Variants in SDHAF4 observed in about 807,000 individuals in gnomAD.
SDHAF4 encodes the protein succinate dehydrogenase assembly factor 4, mitochondrial.
Under a neutral mutation model 14.3 loss-of-function variants are expected in SDHAF4, and 14 were observed. That is an observed-to-expected ratio of 0.98 (90% CI 0.65 to 1.53). The LOEUF (loss-of-function observed/expected upper bound fraction) is 1.53, where lower values mean the gene tolerates loss of function less well. Ranked by LOEUF, SDHAF4 falls within the 40% of genes most tolerant of loss-of-function variation. The pLI is 0.00. For missense variants in SDHAF4, 141 were observed against 129.3 expected, an observed-to-expected ratio of 1.09 and a Z score of -0.44; for synonymous variants, 63 against 47.3, an observed-to-expected ratio of 1.33 and a Z score of -1.36.
chr6:70,575,023 T>A, intron 1 of SDHAF4, among the ~76,000 whole-genome samples: 1 of 152,170 alleles, frequency 6.6e-6, no homozygotes, highest in African/African-American at 2.4e-5. Flanking sequence ...TTAGCTTGAG[T>A]TTAAGAGACT....
intron 2 of SDHAF4, among the ~76,000 whole-genome samples, chr6:70,587,387 G>T (rs1004612001): frequency 2.0e-5 from 3 of 152,274 alleles, no homozygotes; most frequent in African/African-American, 7.2e-5. Flanking sequence ...AGCTACTTGG[G>T]AGGCTGAGGC....
At chr6:70,578,207 C>G (rs1251237928) in intron 1 of SDHAF4, among the ~76,000 whole-genome samples, 1 of 152,228 alleles carries the variant, frequency 6.6e-6, no homozygotes, top group Non-Finnish European at 1.5e-5. Context: ...TATACGCATT[C>G]CCTCTTCTCT....
At chr6:70,571,036 TAC>T (rs1274223120) in intron 1 of SDHAF4, among the ~76,000 whole-genome samples, 1 of 152,228 alleles carries the variant, frequency 6.6e-6, no homozygotes, top group Non-Finnish European at 1.5e-5. Flanking sequence ...TGGTATTAGC[TAC>T]AGTTATACCC....
chr6:70,594,784 C>T, the SDHAF4 span, among the ~76,000 whole-genome samples: 28 of 152,100 alleles, frequency 1.8e-4, no homozygotes, highest in African/African-American at 6.3e-4. Flanking sequence ...TGGTGGTGCA[C>T]ACCTGTAATC....
At chr6:70,581,831 A>G (rs1765130476) in intron 2 of SDHAF4, among the ~76,000 whole-genome samples, 1 of 151,834 alleles carries the variant, frequency 6.6e-6, no homozygotes, top group African/African-American at 2.4e-5. Flanking sequence ...GCTGGCCTCA[A>G]CTCCTGGGCT....
At chr6:70,593,681 A>C (rs1765278341), downstream of SDHAF4, among the ~76,000 whole-genome samples, 1 of 141,298 alleles carries the variant, frequency 7.1e-6, no homozygotes, top group Non-Finnish European at 1.6e-5. Context: ...TCCAGCTTCA[A>C]GGGTTTTTTT....
At chr6:70,581,534 A>G (rs554580912) in intron 2 of SDHAF4, among the ~76,000 whole-genome samples, 5 of 152,128 alleles carry the variant, frequency 3.3e-5, no homozygotes, top group African/African-American at 2.4e-5. Flanking sequence ...GCTTCTGGAA[A>G]TCTCCTGCCT....
At chr6:70,567,144 G>GCCGCCCAC (rs1431091186) in intron 1 of SDHAF4, 140 bp downstream of exon 1, 4 of 833,514 alleles carry the variant, frequency 4.8e-6, no homozygotes, top group Non-Finnish European at 5.5e-6. Context: ...CTCCCGCCCA[G>GCCGCCCAC]CCGCCCACCC....
downstream of SDHAF4, among the ~76,000 whole-genome samples, chr6:70,594,104 G>A (rs753564539): frequency 3.3e-5 from 5 of 152,300 alleles, no homozygotes; most frequent in South Asian, 4.1e-4. Flanking sequence ...TGTATCCTAT[G>A]CCTGTCCTAC....
At chr6:70,588,252 G>A (rs1038951020) in intron 2 of SDHAF4, among the ~76,000 whole-genome samples, 10 of 152,206 alleles carry the variant, frequency 6.6e-5, no homozygotes, top group African/African-American at 1.9e-4. Flanking sequence ...TGGTCTCGGC[G>A]GCTCACGCCT....
chr6:70,598,084 C>A, the SDHAF4 span, among the ~76,000 whole-genome samples: 1 of 152,160 alleles, frequency 6.6e-6, no homozygotes, highest in Non-Finnish European at 1.5e-5. Context: ...TCTTTAAGAT[C>A]TTTCATTTGC....
intron 2 of SDHAF4, among the ~76,000 whole-genome samples, chr6:70,584,951 T>C (rs1349301133): frequency 6.6e-6 from 1 of 152,174 alleles, no homozygotes; most frequent in Non-Finnish European, 1.5e-5. Flanking sequence ...TTGGAGTTTA[T>C]TATAAGACTA....
chr6:70,582,791 C>A (rs1188190453), intron 2 of SDHAF4, among the ~76,000 whole-genome samples: 1 of 152,208 alleles, frequency 6.6e-6, no homozygotes, highest in Non-Finnish European at 1.5e-5. Context: ...CTGTCTCTAG[C>A]TCCACTGGTC....
rs962459234 is a variant in SDHAF4 at position 70,589,151 on chromosome 6, T to G, written c.*427T>G. On this transcript the variant is annotated 3_prime_UTR_variant, in exon 3 of 3. Transcript: ENST00000370474. ...TATTTTTTCATTAACATATATTAAT[T>G]TAATGAGTATAGAAATGATTCTTGT... is the stretch of plus-strand genomic sequence containing the variant. The G allele has an allele frequency of 1.3e-5, 2 of 153,318 alleles. No homozygotes were observed. Among genetic ancestry groups the G allele is most frequent in the East Asian group, 3.8e-4 (2 of 5,266 alleles). The allele number at this position is 153,318 out of a possible 1,614,324, so 9.5% of individuals were successfully genotyped here.
At chr6:70,568,413 C>G (rs1215245993) in intron 1 of SDHAF4, among the ~76,000 whole-genome samples, 1 of 152,126 alleles carries the variant, frequency 6.6e-6, no homozygotes, top group African/African-American at 2.4e-5. Context: ...CCAAGGAGGT[C>G]TCTATTTGCT....
At chr6:70,570,236 AT>A (rs1425122692) in intron 1 of SDHAF4, among the ~76,000 whole-genome samples, 1 of 152,188 alleles carries the variant, frequency 6.6e-6, no homozygotes, top group East Asian at 1.9e-4. Context: ...TACCTTATTA[AT>A]TTAAATAATT....
chr6:70,569,178 A>G (rs1467888657), intron 1 of SDHAF4, among the ~76,000 whole-genome samples: 1 of 150,608 alleles, frequency 6.6e-6, no homozygotes, highest in Non-Finnish European at 1.5e-5. Flanking sequence ...GTTAGCCAGG[A>G]TGGTCTCGAT....
intron 2 of SDHAF4, among the ~76,000 whole-genome samples, chr6:70,583,311 C>G (rs566290287): frequency 6.6e-6 from 1 of 152,218 alleles, no homozygotes; most frequent in African/African-American, 2.4e-5. Flanking sequence ...CGGGGTTTCA[C>G]CATGTTGGTC....
At position 70,579,557 on chromosome 6, in the gene SDHAF4, C is replaced by T. The variant is rs374198003; in HGVS notation, c.208C>T (p.Pro70Ser). ...APEDSHLEKEPLEKFPDDVNP... is the reference protein window; with the variant it reads ...APEDSHLEKESLEKFPDDVNP... ...AGAGGATTCCCATTTAGAGAAAGAA[C>T]CACTGGAAAGTAAGTATAATAAAGC... Residue 70 changes from proline (P) to serine (S), a missense_variant, in exon 2 of 3, where the codon CCA becomes TCA. Physicochemically the swap from Pro to Ser is moderately conservative, Grantham distance 74. Coordinates refer to ENST00000370474, the MANE Select transcript of SDHAF4 (RefSeq NM_145267.3). 9 of 1,598,880 alleles carry T rather than the reference C, an allele frequency of 5.6e-6. No individual in the cohort carries two copies. In the African/African-American group the frequency reaches 9.5e-5, roughly 17 times the overall value.
Sources: gnomAD v4.1 joint callset for allele counts (sites outside exome capture counted in the v4.1 genomes callset) on GRCh38, gnomAD v4.1.1 for gene constraint, MANE v1.5 for transcripts, NCBI Gene and HGNC (gene_info 2026-07-23, HGNC 2026-07-21) for gene names.